Variants in CTNNA3 observed in about 807,000 individuals in gnomAD.
CTNNA3 encodes catenin alpha 3, also known as catenin alpha-3.
In CTNNA3, 76 loss-of-function variants were observed where a neutral mutation model predicts 95.7. That is an observed-to-expected ratio of 0.79 (90% CI 0.66 to 0.96). The LOEUF is 0.96. Ranked by LOEUF, CTNNA3 falls within the 40% of genes least tolerant of loss-of-function variation. The pLI is 0.00. For missense variants in CTNNA3, 1,191 were observed against 1,089.8 expected, an observed-to-expected ratio of 1.09 and a Z score of -1.31; for synonymous variants, 431 against 374.4, an observed-to-expected ratio of 1.15 and a Z score of -1.74.
chr10:66,853,904 C>T lies in CTNNA3; in HGVS notation c.1048-78380G>A, dbSNP rs77494246. Among the ~76,000 whole-genome samples, 1,116 of 152,040 alleles carry T rather than the reference C, an allele frequency of 7.3e-3. 14 individuals are homozygous for T. The highest frequency in any genetic ancestry group is 0.025 in the African/African-American group (1,041 of 41,494). ...TTACAAGTTGTAGATCTGCTAAGTG[C>T]ATCCTGAATGCACTGAATGTGCAAT... On this transcript the variant is annotated intron_variant, in intron 7 of 17. Transcript: ENST00000433211.
Position 66,204,650 on chromosome 10 carries a change from C to A in CTNNA3, c.1884+75820G>T, listed in dbSNP as rs534014826. Among the ~76,000 whole-genome samples, 453 of 152,236 alleles carry A rather than the reference C, an allele frequency of 3.0e-3. 3 individuals carry two copies. Among genetic ancestry groups the A allele is most frequent in the African/African-American group, 0.01 (433 of 41,572 alleles). On this transcript the variant is annotated intron_variant, in intron 13 of 17. Transcript: ENST00000433211. ...GTGCTCTTAGTGACCCAAAGGTGACCACTTCCTCCCTTGTACTTACATCCA... is the reference window on the plus strand; with the variant it reads ...GTGCTCTTAGTGACCCAAAGGTGACAACTTCCTCCCTTGTACTTACATCCA...
chr10:67,466,682 T>C (rs910195730), intron 5 of CTNNA3, among the ~76,000 whole-genome samples: 12 of 152,154 alleles, frequency 7.9e-5, no homozygotes, highest in African/African-American at 2.4e-4. Flanking sequence ...TATCACAAAC[T>C]ATGAGATGTC....
intron 17 of CTNNA3, among the ~76,000 whole-genome samples, chr10:65,925,785 T>G (rs983144336): frequency 6.6e-6 from 1 of 152,188 alleles, no homozygotes; most frequent in African/African-American, 2.4e-5. Context: ...ACTTTTTCAC[T>G]GTAGTATATA....
At chr10:67,009,555 C>A (rs1852198176) in intron 7 of CTNNA3, among the ~76,000 whole-genome samples, 1 of 151,888 alleles carries the variant, frequency 6.6e-6, no homozygotes, top group Non-Finnish European at 1.5e-5. Context: ...TTGTCCGTAT[C>A]ATATCTAGTA....
At chr10:67,242,101 A>G (rs1865736902) in intron 5 of CTNNA3, among the ~76,000 whole-genome samples, 2 of 152,242 alleles carry the variant, frequency 1.3e-5, no homozygotes, top group Admixed American at 1.3e-4. Context: ...TATTTCAGGC[A>G]TATCTTCCTG....
Position 67,743,133 on chromosome 10 carries a change from T to A in CTNNA3, c.-2+20301A>T, listed in dbSNP as rs1381368663. On this transcript the variant is annotated intron_variant, in intron 1 of 17. Transcript: ENST00000684154. ...TTCCAATCAATAGAAAAAGAGGGAATCCTCCCTAACTCATTTTATGAGGCC... is the reference window on the plus strand; with the variant it reads ...TTCCAATCAATAGAAAAAGAGGGAAACCTCCCTAACTCATTTTATGAGGCC... Among the ~76,000 whole-genome samples the A allele has an allele frequency of 4.6e-5, 7 of 151,212 alleles. No individual in the cohort carries two copies. The East Asian group carries it at 1.4e-3, about 29-fold the overall frequency.
chr10:66,639,815 A>C (rs1228781887), intron 9 of CTNNA3, among the ~76,000 whole-genome samples: 1 of 152,174 alleles, frequency 6.6e-6, no homozygotes, highest in Non-Finnish European at 1.5e-5. Flanking sequence ...GTAAAGCTAA[A>C]ATAACATGAA....
intron 15 of CTNNA3, among the ~76,000 whole-genome samples, chr10:66,009,615 A>G (rs1564575257): frequency 1.3e-5 from 2 of 152,196 alleles, no homozygotes; most frequent in Admixed American, 6.5e-5. Flanking sequence ...CATAACTCCA[A>G]TGTTATTTTT....
intron 1 of CTNNA3, among the ~76,000 whole-genome samples, chr10:67,749,831 A>T (rs576748841): frequency 7.9e-5 from 12 of 152,304 alleles, no homozygotes; most frequent in African/African-American, 2.9e-4. Context: ...ACTGAAGGAG[A>T]CAGAGACATG....
chr10:67,271,552 A>G (rs1426414201), intron 5 of CTNNA3, among the ~76,000 whole-genome samples: 1 of 152,282 alleles, frequency 6.6e-6, no homozygotes, highest in Non-Finnish European at 1.5e-5. Context: ...GCAATGTGAG[A>G]ACGGACTAAT....
chr10:67,413,556 A>C (rs577577541), intron 5 of CTNNA3, among the ~76,000 whole-genome samples: 1 of 152,106 alleles, frequency 6.6e-6, no homozygotes, highest in African/African-American at 2.4e-5. Flanking sequence ...TAACAAAGAA[A>C]CTCTGGACTT....
chr10:66,238,315 C>T (rs1268950306), intron 13 of CTNNA3, among the ~76,000 whole-genome samples: 1 of 151,872 alleles, frequency 6.6e-6, no homozygotes, highest in East Asian at 1.9e-4. Context: ...ACTGTACAAG[C>T]TGAAGGTGAT....
intron 7 of CTNNA3, among the ~76,000 whole-genome samples, chr10:66,897,323 G>C (rs1845539578): frequency 1.3e-5 from 2 of 151,932 alleles, no homozygotes; most frequent in Non-Finnish European, 2.9e-5. Context: ...GATATCCATG[G>C]GAAGAAAAGG....
At chr10:66,669,181 G>C (rs1846568191) in intron 9 of CTNNA3, among the ~76,000 whole-genome samples, 1 of 152,014 alleles carries the variant, frequency 6.6e-6, no homozygotes, top group Non-Finnish European at 1.5e-5. Context: ...TTATTCTCAA[G>C]GCCTTTTTGT....
intron 10 of CTNNA3, among the ~76,000 whole-genome samples, chr10:66,611,639 T>A (rs757605153): frequency 4.0e-4 from 61 of 152,156 alleles, no homozygotes; most frequent in Non-Finnish European, 7.4e-4. Context: ...TTGGTTAAGA[T>A]GACTGCTCAC....
At chr10:66,305,005 C>T (rs1223612721) in intron 12 of CTNNA3, among the ~76,000 whole-genome samples, 1 of 152,056 alleles carries the variant, frequency 6.6e-6, no homozygotes, top group African/African-American at 2.4e-5. Flanking sequence ...GCTCCTCTCC[C>T]TTCTGCCTCT....
In CTNNA3 at chr10:67,126,655, CA is replaced by C. The variant is rs547124737; in HGVS notation, c.1047+53661del. ...CACTTTCTTCAATATATCTCAGCCA[CA>C]AGGCAAATATATGCTGACTAAACTC... On this transcript the variant is annotated intron_variant, in intron 7 of 17. Coordinates refer to ENST00000433211, the MANE Select transcript of CTNNA3 (RefSeq NM_013266.4). Among the ~76,000 whole-genome samples the C allele has an allele frequency of 6.8e-4, 104 of 152,350 alleles. 1 individual carries two copies. Among genetic ancestry groups the C allele is most frequent in the Admixed American group, 6.8e-3 (104 of 15,304 alleles).
intron 10 of CTNNA3, among the ~76,000 whole-genome samples, chr10:66,567,914 C>A (rs573090814): frequency 6.6e-6 from 1 of 152,298 alleles, no homozygotes; most frequent in African/African-American, 2.4e-5. Context: ...TCTGACTACT[C>A]TGGGTCCTGA....
intron 9 of CTNNA3, among the ~76,000 whole-genome samples, chr10:66,722,448 C>A (rs12772022): frequency 0.024 from 3,613 of 151,720 alleles, 176 homozygotes; most frequent in East Asian, 0.22. Context: ...GCTTCCCAGG[C>A]AATTTGAGAG....
Sources: allele counts gnomAD v4.1 joint callset (sites outside exome capture counted in the v4.1 genomes callset), GRCh38; gene constraint gnomAD v4.1.1; transcripts MANE v1.5; gene names NCBI Gene and HGNC (gene_info 2026-07-23, HGNC 2026-07-21).